The following NRG1 variants were observed in gnomAD, a reference collection of about 807,000 sequenced individuals.
NRG1 encodes the protein neuregulin 1.
Under a neutral mutation model 63.8 loss-of-function variants are expected in NRG1, and 18 were observed. That is an observed-to-expected ratio of 0.28 (90% CI 0.19 to 0.42). The LOEUF is 0.42. NRG1 is among the 10% of genes least tolerant of loss of function. The pLI is 1.00. For missense variants in NRG1, 762 were observed against 814.7 expected (o/e 0.94, Z 0.79); for synonymous variants, 302 against 301.3 (o/e 1.00, Z -0.02).
chr8:31,927,145 A>T (rs1834423285), intron 1 of NRG1, among the ~76,000 whole-genome samples: 1 of 152,134 alleles, frequency 6.6e-6, no homozygotes, highest in Non-Finnish European at 1.5e-5. Context: ...CCATTTACAG[A>T]TGACAAAATT....
At chr8:32,448,658 C>A (rs924513441) in intron 1 of NRG1, among the ~76,000 whole-genome samples, 6 of 149,414 alleles carry the variant, frequency 4.0e-5, no homozygotes, top group Non-Finnish European at 9.0e-5. Flanking sequence ...CCACATCCTA[C>A]GTCAATTAGC....
chr8:31,644,481 G>C (rs181395750), intron 1 of NRG1, among the ~76,000 whole-genome samples: 1 of 152,154 alleles, frequency 6.6e-6, no homozygotes, highest in Admixed American at 6.5e-5. Flanking sequence ...GTTGTTGTGG[G>C]GTATCTATAA....
chr8:32,603,578 A>G (rs914543080), intron 2 of NRG1, among the ~76,000 whole-genome samples: 6 of 152,108 alleles, frequency 3.9e-5, no homozygotes, highest in East Asian at 1.9e-4. Context: ...CCCGGATTCA[A>G]ATGATTCTCC....
intron 1 of NRG1, among the ~76,000 whole-genome samples, chr8:32,133,581 A>G (rs1402069480): frequency 6.6e-6 from 1 of 152,174 alleles, no homozygotes; most frequent in Non-Finnish European, 1.5e-5. Flanking sequence ...TAAAGGGATA[A>G]TAATAGACAT....
intron 1 of NRG1, among the ~76,000 whole-genome samples, chr8:32,327,840 C>CAGATG (rs542736329): frequency 1.3e-3 from 200 of 152,240 alleles, no homozygotes; most frequent in African/African-American, 4.4e-3. Context: ...AGACAGAGGC[C>CAGATG]AGATGAATGT....
At chr8:32,492,976 G>C (rs950061299) in intron 1 of NRG1, among the ~76,000 whole-genome samples, 5 of 152,122 alleles carry the variant, frequency 3.3e-5, no homozygotes, top group Non-Finnish European at 1.5e-5. Context: ...ATAAGGTGGA[G>C]ACTGGATTGT....
rs1232409366 is a variant in NRG1 at position 32,018,471 on chromosome 8, C to T, written c.37+379040C>T. ...TTAAAGGTAATAGCTATTGTATTTT[C>T]TATTACCCTATATTAATTTTGTCTG... On this transcript the variant is annotated intron_variant, in intron 1 of 10. Coordinates refer to the NRG1 transcript ENST00000519301. 3.9e-5 allele frequency among the ~76,000 whole-genome samples: 6 copies of T among 152,088 alleles called. No individual in the cohort carries two copies. In the East Asian group the frequency reaches 1.2e-3, roughly 29 times the overall value.
At chr8:32,549,364 G>A (rs979033231) in intron 1 of NRG1, among the ~76,000 whole-genome samples, 3 of 152,226 alleles carry the variant, frequency 2.0e-5, no homozygotes, top group African/African-American at 4.8e-5. Context: ...CACAGGGCAA[G>A]CGATGTAGAG....
At chr8:32,619,785 T>A (rs1848013729) in intron 5 of NRG1, among the ~76,000 whole-genome samples, 1 of 152,210 alleles carries the variant, frequency 6.6e-6, no homozygotes, top group African/African-American at 2.4e-5. Flanking sequence ...GTTTTACTTG[T>A]TTTTTTATAA....
At chr8:31,996,111 C>G (rs188253062) in intron 1 of NRG1, among the ~76,000 whole-genome samples, 2 of 151,754 alleles carry the variant, frequency 1.3e-5, no homozygotes, top group East Asian at 3.9e-4. Flanking sequence ...CTCCTTCCAC[C>G]TTTGTTTCTT....
chr8:32,675,481 G>A (rs1806846046), intron 5 of NRG1, among the ~76,000 whole-genome samples: 1 of 152,146 alleles, frequency 6.6e-6, no homozygotes, highest in Admixed American at 6.5e-5. Flanking sequence ...AGTACTTGTT[G>A]CTCAGATTTG....
At chr8:31,737,274 T>C (rs1172582753) in intron 1 of NRG1, among the ~76,000 whole-genome samples, 1 of 152,098 alleles carries the variant, frequency 6.6e-6, no homozygotes, top group Non-Finnish European at 1.5e-5. Context: ...CTAGGATTTT[T>C]CCCCAAATCC....
chr8:31,681,120 GA>G (rs149725487), intron 1 of NRG1, among the ~76,000 whole-genome samples: 39 of 151,590 alleles, frequency 2.6e-4, no homozygotes, highest in African/African-American at 5.3e-4. Context: ...ACTAAGTGGA[GA>G]AAAAAAATGG....
chr8:31,676,164 T>TG, intron 1 of NRG1, among the ~76,000 whole-genome samples: 1 of 152,074 alleles, frequency 6.6e-6, no homozygotes, highest in African/African-American at 2.4e-5. Flanking sequence ...AGATTAGTGG[T>TG]GGGTCTTAGA....
intron 1 of NRG1, chr8:32,441,320 T>C (rs1251010812): frequency 6.6e-6 from 1 of 152,182 alleles, no homozygotes. Context: ...CCATCCAAGC[T>C]GCTGGAAGCA....
intron 1 of NRG1, among the ~76,000 whole-genome samples, chr8:31,666,453 GA>G (rs1327368177): frequency 1.3e-5 from 2 of 151,980 alleles, no homozygotes; most frequent in Admixed American, 6.6e-5. Context: ...GGTCACTGGG[GA>G]AAAAAGAAAT....
intron 1 of NRG1, among the ~76,000 whole-genome samples, chr8:32,112,502 T>C (rs13267727): frequency 0.54 from 82,532 of 152,134 alleles, 23,891 homozygotes; most frequent in Admixed American, 0.65. Context: ...ATTTCCTTCT[T>C]TGCATCCATC....
At chr8:32,027,469 C>T in intron 1 of NRG1, among the ~76,000 whole-genome samples, 1 of 136,406 alleles carries the variant, frequency 7.3e-6, no homozygotes, top group Non-Finnish European at 1.6e-5. Flanking sequence ...TCCTTCCTTC[C>T]CTCCCTCCCT....
chr8:31,771,531 G>T (rs553149164), intron 1 of NRG1, among the ~76,000 whole-genome samples: 1 of 152,238 alleles, frequency 6.6e-6, no homozygotes, highest in East Asian at 1.9e-4. Flanking sequence ...TGAAGAACAG[G>T]TTACCAGTTC....
Sources: allele counts gnomAD v4.1 joint callset (sites outside exome capture counted in the v4.1 genomes callset), GRCh38; gene constraint gnomAD v4.1.1; transcripts MANE v1.5; gene names NCBI Gene and HGNC (gene_info 2026-07-23, HGNC 2026-07-21).